The following KDM5B variants were observed in gnomAD, a reference collection of about 807,000 sequenced individuals.
KDM5B encodes lysine-specific demethylase 5B.
A neutral mutation model predicts 193.4 loss-of-function variants in KDM5B; 144 were observed. The ratio of observed to expected loss-of-function variants is 0.74; its 90% CI spans 0.65 to 0.86. KDM5B has a LOEUF of 0.86. Among genes scored for constraint, KDM5B ranks in the 40% least tolerant of loss-of-function variants. The pLI is 0.00. For missense variants in KDM5B, 1,833 were observed against 1,886.9 expected (o/e 0.97, Z 0.53); for synonymous variants, 668 against 682.6 (o/e 0.98, Z 0.33).
Position 202,799,457 on chromosome 1 carries a change from C to T in KDM5B, c.204+8645G>A, listed in dbSNP as rs1657986876. 2.6e-5 allele frequency among the ~76,000 whole-genome samples: 4 copies of T among 152,216 alleles called. No homozygotes were observed. The South Asian group carries it at 8.3e-4, about 32-fold the overall frequency. ...TCACCTGAGGTCGGGAGTTCGAGAC[C>T]AGCCTGACCAAGATGGAGAAACCCC... On this transcript the variant is annotated intron_variant, in intron 1 of 26. Coordinates refer to ENST00000367265, the MANE Select transcript of KDM5B (RefSeq NM_006618.5).
intron 4 of KDM5B, among the ~76,000 whole-genome samples, chr1:202,770,474 A>G (rs4950952): frequency 0.39 from 59,624 of 151,996 alleles, 14,052 homozygotes; most frequent in Non-Finnish European, 0.51. Flanking sequence ...TCTCTCCCTA[A>G]TAACTATTTC....
intron 3 of KDM5B, among the ~76,000 whole-genome samples, chr1:202,774,392 C>G (rs572327866): frequency 6.6e-6 from 1 of 152,080 alleles, no homozygotes; most frequent in Non-Finnish European, 1.5e-5. Context: ...CTACAGGGCC[C>G]GTGCCACCAT....
intron 1 of KDM5B, among the ~76,000 whole-genome samples, chr1:202,803,508 GA>G (rs1345616204): frequency 2.0e-5 from 3 of 152,148 alleles, no homozygotes; most frequent in Non-Finnish European, 4.4e-5. Flanking sequence ...TACAACAAAT[GA>G]AGTTTGTTTT....
Position 202,729,917 on chromosome 1 carries a change from TTTC to T in KDM5B, c.4284_4286del (p.Lys1429del). ...TTTTCTTCTTTTTGGGGGTCCGCAT[TTTC>T]TTAACTCGTTCCCACCGCTCACTGG... On this transcript the variant is annotated inframe_deletion, in exon 26 of 27. Transcript: ENST00000367265. 1 of 1,614,162 alleles carries T rather than the reference TTTC, an allele frequency of 6.2e-7. No homozygotes were observed. Among genetic ancestry groups the T allele is most frequent in the Non-Finnish European group, 8.5e-7 (1 of 1,180,006 alleles).
At chr1:202,800,245 T>C (rs1475059452) in intron 1 of KDM5B, among the ~76,000 whole-genome samples, 2 of 152,096 alleles carry the variant, frequency 1.3e-5, no homozygotes, top group African/African-American at 2.4e-5. Context: ...GGTTTCACCA[T>C]GTTGGCCAGG....
rs530885948 is a variant in KDM5B, at chr1:202,755,104, C to T, written c.1538+167G>A. 9.2e-5 allele frequency among the ~76,000 whole-genome samples: 14 copies of T among 152,316 alleles called. No individual in the cohort carries two copies. The East Asian group carries it at 2.7e-3, about 29-fold the overall frequency. Reference sequence around the variant, plus strand: ...ATGGATGCTCTAGGAATCTTAAGAACCACTGTCTTAACTTGTCAGGATGCC... The same window carrying T: ...ATGGATGCTCTAGGAATCTTAAGAATCACTGTCTTAACTTGTCAGGATGCC... On this transcript the variant is annotated intron_variant, in intron 11 of 26. Transcript: ENST00000367265.
At chr1:202,737,216 A>G (rs1007296034) in intron 20 of KDM5B, among the ~76,000 whole-genome samples, 5 of 152,262 alleles carry the variant, frequency 3.3e-5, no homozygotes, top group Non-Finnish European at 5.9e-5. Context: ...AAACTAAAAT[A>G]TAAGTTGAGA....
rs769028836 is a variant in KDM5B at position 202,764,019 on chromosome 1, T to C, written c.808+30A>G. 7 of 1,113,536 alleles carry C rather than the reference T, an allele frequency of 6.3e-6. No homozygotes were observed. In the East Asian group the frequency reaches 1.2e-4, roughly 19 times the overall value. 69.0% of individuals were successfully genotyped at this position (1,113,536 alleles called of 1,614,324 possible). A position where few individuals can be genotyped will look rare whatever the true frequency, so the allele number is the denominator to read the frequency against. On this transcript the variant is annotated intron_variant, in intron 6 of 26. Coordinates refer to ENST00000367265, the MANE Select transcript of KDM5B (RefSeq NM_006618.5). ...AGTTATTTTTACTTTATTTACTTTT[T>C]CTTTCCTATTCATTGACAAATTTTC...
chr1:202,802,229 G>C (rs1414380653), intron 1 of KDM5B, among the ~76,000 whole-genome samples: 1 of 152,070 alleles, frequency 6.6e-6, no homozygotes, highest in South Asian at 2.1e-4. Context: ...TTAGGGGCAC[G>C]GGCTTTCCCT....
At chr1:202,739,530 T>C (rs1400477966) in intron 20 of KDM5B, among the ~76,000 whole-genome samples, 1 of 151,838 alleles carries the variant, frequency 6.6e-6, no homozygotes. Flanking sequence ...AGAGGGGGAG[T>C]TGGCAGGGTC....
In KDM5B at chr1:202,750,683, A is replaced by G. The variant is rs779754863; in HGVS notation, c.1797T>C (p.Ala599=). ...GFNQGFNFAE[A]VNFCTVDWLP... ...CCCAATCAACAGTGCAGAAGTTAACAGCCTCAGCAAAATTAAAACCCTGGT... is the reference window on the plus strand; with the variant it reads ...CCCAATCAACAGTGCAGAAGTTAACGGCCTCAGCAAAATTAAAACCCTGGT... The change falls in exon 13 of 27, where the codon GCT becomes GCC. Residue 599 remains alanine (A), a synonymous_variant. Coordinates refer to ENST00000367265, the MANE Select transcript of KDM5B (RefSeq NM_006618.5). 25 of 1,613,978 alleles carry G rather than the reference A, an allele frequency of 1.5e-5. No homozygotes were observed. The East Asian group carries it at 2.5e-4, about 16-fold the overall frequency.
chr1:202,741,860 TA>T, intron 18 of KDM5B, 138 bp from the exon 19 acceptor site: 1 of 607,760 alleles, frequency 1.6e-6, no homozygotes, highest in East Asian at 2.8e-5. Flanking sequence ...AGATAACACA[TA>T]AGCCAACTAA....
chr1:202,733,402 TTGTTTG>T lies in KDM5B; in HGVS notation c.3902_3907del (p.Thr1301_Asn1302del). ...CCAACAAGGAAAGTCCAGATTCACC[TTGTTTG>T]TGTCTGACACCTGTCCTGCTGAGGC... On this transcript the variant is annotated inframe_deletion and splice_region_variant, in exon 23 of 27. Coordinates refer to ENST00000367265, the MANE Select transcript of KDM5B (RefSeq NM_006618.5). The T allele has an allele frequency of 6.2e-7, 1 of 1,609,722 alleles. No homozygotes were observed. Among genetic ancestry groups the T allele is most frequent in the African/African-American group, 1.3e-5 (1 of 74,918 alleles).
chr1:202,749,319 T>C (rs1472100477), intron 13 of KDM5B, among the ~76,000 whole-genome samples, 180 bp from the exon 14 acceptor site: 1 of 152,046 alleles, frequency 6.6e-6, no homozygotes, highest in Non-Finnish European at 1.5e-5. Flanking sequence ...TTCCAACACT[T>C]TGGGAGGCCA....
chr1:202,750,758 A>G lies in KDM5B; in HGVS notation c.1722T>C (p.Cys574=), dbSNP rs149349143. Residue 574 remains cysteine, a synonymous_variant, in exon 13 of 27, where the codon TGT becomes TGC. Transcript: ENST00000367265. The part of the protein sequence containing the change: ...HEVPVYRTNQ[C]AGEFVITFPR... ...GAAATGTAATCACAAACTCCCCAGC[A>G]CACTGATTAGTTCGGTAAACCTAAA... is the stretch of plus-strand genomic sequence containing the variant. 3 of 1,613,966 alleles carry G rather than the reference A, an allele frequency of 1.9e-6. No individual in the cohort carries two copies. In the South Asian group the frequency reaches 3.3e-5, roughly 18 times the overall value.
At chr1:202,740,940 T>C in intron 19 of KDM5B, 128 bp from the exon 20 acceptor site, 1 of 892,848 alleles carries the variant, frequency 1.1e-6, no homozygotes, top group Non-Finnish European at 1.7e-6. Context: ...TGACATTGTC[T>C]ATTCCTGTTG....
chr1:202,759,625 T>C (rs967502297), intron 8 of KDM5B, among the ~76,000 whole-genome samples: 1 of 151,822 alleles, frequency 6.6e-6, no homozygotes, highest in Non-Finnish European at 1.5e-5. Flanking sequence ...CAGCATGCAC[T>C]ATTAAAAACA....
chr1:202,766,832 C>T (rs765761534), intron 5 of KDM5B, 94 bp downstream of exon 5: 10 of 1,371,238 alleles, frequency 7.3e-6, no homozygotes, highest in Non-Finnish European at 9.8e-6. Flanking sequence ...TTCAAAACTA[C>T]AAAGAGCACA....
chr1:202,767,204 G>A, intron 4 of KDM5B, 144 bp from the exon 5 acceptor site: 1 of 1,556,194 alleles, frequency 6.4e-7, no homozygotes, highest in African/African-American at 1.4e-5. Context: ...CTTCATATCT[G>A]TTAAATGGAG....
Sources: allele counts gnomAD v4.1 joint callset (sites outside exome capture counted in the v4.1 genomes callset), GRCh38; gene constraint gnomAD v4.1.1; transcripts MANE v1.5; gene names NCBI Gene and HGNC (gene_info 2026-07-23, HGNC 2026-07-21).